The following OXR1 variants were observed in gnomAD, a reference collection of about 807,000 sequenced individuals.
OXR1 encodes oxidation resistance 1.
OXR1 carries 41 observed loss-of-function variants against 104.6 expected under a neutral mutation model. The observed-to-expected ratio is 0.39, with a 90% CI of 0.31 to 0.51. OXR1 has a LOEUF of 0.51. Ranked by LOEUF, OXR1 falls within the 20% of genes least tolerant of loss-of-function variation. The pLI, the probability that OXR1 is intolerant of heterozygous loss-of-function variation, is 0.77. For missense variants in OXR1, 955 were observed against 1,031.9 expected (o/e 0.93, Z 1.02); for synonymous variants, 348 against 348.4 (o/e 1.00, Z 0.01).
At chr8:106,365,037 A>T (rs1299640028) in intron 2 of OXR1, among the ~76,000 whole-genome samples, 1 of 152,184 alleles carries the variant, frequency 6.6e-6, no homozygotes, top group Non-Finnish European at 1.5e-5. Context: ...AATGTGGATA[A>T]ATAGAGATTG....
chr8:106,284,563 T>A (rs1812414814), intron 1 of OXR1, among the ~76,000 whole-genome samples: 1 of 152,186 alleles, frequency 6.6e-6, no homozygotes, highest in African/African-American at 2.4e-5. Context: ...TAGCAACTTT[T>A]TAAAAAGTCT....
At chr8:106,329,067 C>T (rs1814600065) in intron 1 of OXR1, among the ~76,000 whole-genome samples, 1 of 152,064 alleles carries the variant, frequency 6.6e-6, no homozygotes, top group Admixed American at 6.5e-5. Flanking sequence ...TCTCTGCTCA[C>T]CGCATCCTCT....
chr8:106,520,712 A>G (rs1312644914), intron 3 of OXR1: 2 of 152,226 alleles, frequency 1.3e-5, no homozygotes, highest in African/African-American at 2.4e-5. Flanking sequence ...CACAAAGTCT[A>G]CATAACTCTC....
At chr8:106,577,539 G>T (rs796647817) in intron 3 of OXR1, among the ~76,000 whole-genome samples, 1 of 151,718 alleles carries the variant, frequency 6.6e-6, no homozygotes, top group Non-Finnish European at 1.5e-5. Flanking sequence ...ACAGGTGCCC[G>T]CCACCACGCC....
intron 1 of OXR1, among the ~76,000 whole-genome samples, chr8:106,271,400 G>C (rs1036931808): frequency 7.2e-5 from 11 of 152,082 alleles, no homozygotes; most frequent in African/African-American, 2.7e-4. Flanking sequence ...TGCAGTGTAG[G>C]GTCTGAATGT....
intron 2 of OXR1, among the ~76,000 whole-genome samples, chr8:106,402,042 G>A (rs1488867477): frequency 1.3e-5 from 2 of 152,150 alleles, no homozygotes; most frequent in Non-Finnish European, 2.9e-5. Flanking sequence ...TGGAGAAAAA[G>A]GCATTTGCCA....
intron 2 of OXR1, among the ~76,000 whole-genome samples, chr8:106,437,726 T>C (rs1292795674): frequency 6.6e-6 from 1 of 152,150 alleles, no homozygotes; most frequent in Non-Finnish European, 1.5e-5. Flanking sequence ...ATCTCTTTAA[T>C]GGCTGTTTTC....
At chr8:106,696,254 A>G (rs1830019794) in intron 7 of OXR1, among the ~76,000 whole-genome samples, 1 of 152,174 alleles carries the variant, frequency 6.6e-6, no homozygotes, top group South Asian at 2.1e-4. Flanking sequence ...GGCTTCTTTC[A>G]CTTAGCAATG....
At position 106,704,393 on chromosome 8, in the gene OXR1, C is replaced by CTTTTTTTTTTTTTTT. The variant is rs71307084; in HGVS notation, c.860+1320_860+1334dup. ...TTTTTCTTTTTCTTTCTTTCTTCTT[C>CTTTTTTTTTTTTTTT]TTTTTTTTTTTTTTTTTTTTTTTTT... On this transcript the variant is annotated intron_variant, in intron 8 of 16. Coordinates refer to ENST00000517566, the MANE Select transcript of OXR1 (RefSeq NM_001198533.2). Among the ~76,000 whole-genome samples the CTTTTTTTTTTTTTTT allele has an allele frequency of 4.0e-4, 19 of 47,890 alleles. 1 individual carries two copies. The highest frequency in any genetic ancestry group is 6.3e-4 in the East Asian group (1 of 1,590). 31.4% of individuals were successfully genotyped at this position (47,890 alleles called of 152,430 possible).
chr8:106,551,763 C>T (rs1815822605), intron 3 of OXR1, among the ~76,000 whole-genome samples: 1 of 143,714 alleles, frequency 7.0e-6, no homozygotes. Context: ...GCCTAGGCAA[C>T]AAAGTGAGAC....
chr8:106,312,442 C>T (rs538500161), intron 1 of OXR1, among the ~76,000 whole-genome samples: 2 of 152,186 alleles, frequency 1.3e-5, no homozygotes, highest in African/African-American at 4.8e-5. Flanking sequence ...GTGCCCTGGC[C>T]TCAGATGTCA....
chr8:106,694,375 A>C (rs1488728724), intron 7 of OXR1, among the ~76,000 whole-genome samples: 1 of 143,694 alleles, frequency 7.0e-6, no homozygotes, highest in African/African-American at 2.5e-5. Context: ...AGTTTTATTT[A>C]TCTGTTTTTG....
At chr8:106,410,995 C>A (rs1179144816) in intron 2 of OXR1, among the ~76,000 whole-genome samples, 1 of 152,036 alleles carries the variant, frequency 6.6e-6, no homozygotes, top group Non-Finnish European at 1.5e-5. Flanking sequence ...TGGTACTATG[C>A]TAAGTGCTGA....
chr8:106,436,477 T>G (rs1819575516), intron 2 of OXR1, among the ~76,000 whole-genome samples: 1 of 151,258 alleles, frequency 6.6e-6, no homozygotes, highest in South Asian at 2.1e-4. Context: ...TGAGCTCAAT[T>G]ACTCCTCACC....
At chr8:106,528,887 C>T (rs1813888401) in intron 3 of OXR1, among the ~76,000 whole-genome samples, 1 of 152,274 alleles carries the variant, frequency 6.6e-6, no homozygotes, top group Admixed American at 6.5e-5. Context: ...TCTATAAGCA[C>T]AGAAACTAAA....
At chr8:106,510,507 C>T (rs148776428) in intron 2 of OXR1, among the ~76,000 whole-genome samples, 13 of 152,184 alleles carry the variant, frequency 8.5e-5, no homozygotes, top group Admixed American at 2.0e-4. Context: ...GAAATGCTAA[C>T]GTTTTATGTT....
At chr8:106,625,710 G>A (rs1047615517) in intron 3 of OXR1, among the ~76,000 whole-genome samples, 3 of 152,090 alleles carry the variant, frequency 2.0e-5, no homozygotes, top group Non-Finnish European at 4.4e-5. Flanking sequence ...AGGTCTCCTC[G>A]CTTAGCCATC....
chr8:106,396,989 AC>A (rs774174147), intron 2 of OXR1, among the ~76,000 whole-genome samples: 1 of 151,662 alleles, frequency 6.6e-6, no homozygotes, highest in Non-Finnish European at 1.5e-5. Context: ...GCAAGGAAAA[AC>A]CCCCAGCAAT....
At chr8:106,658,112 G>T in intron 3 of OXR1, 1 of 1,247,526 alleles carries the variant, frequency 8.0e-7, no homozygotes. Flanking sequence ...ACCTGAGGGA[G>T]CCAGCCCAGG....
Sources: allele counts gnomAD v4.1 joint callset (sites outside exome capture counted in the v4.1 genomes callset), GRCh38; gene constraint gnomAD v4.1.1; transcripts MANE v1.5; gene names NCBI Gene and HGNC (gene_info 2026-07-23, HGNC 2026-07-21).